EXOC4: variants seen among roughly 807,000 people sequenced by gnomAD.
EXOC4 encodes the protein exocyst complex component 4, also known as SEC8-like 1.
In EXOC4, 71 loss-of-function variants were observed where a neutral mutation model predicts 107.2. The observed-to-expected ratio is 0.66, with a 90% CI of 0.55 to 0.81. The LOEUF (loss-of-function observed/expected upper bound fraction) is 0.81, where lower values mean the gene tolerates loss of function less well. Ranked by LOEUF, EXOC4 falls within the 30% of genes least tolerant of loss-of-function variation. The pLI, the probability that EXOC4 is intolerant of heterozygous loss-of-function variation, is 0.00. For missense variants in EXOC4, 1,108 were observed against 1,189.6 expected (o/e 0.93, Z 1.01); for synonymous variants, 456 against 441.2 (o/e 1.03, Z -0.42).
intron 10 of EXOC4, among the ~76,000 whole-genome samples, chr7:133,683,431 A>G (rs1794229841): frequency 6.6e-6 from 1 of 152,132 alleles, no homozygotes; most frequent in South Asian, 2.1e-4. Context: ...TCTAACATAT[A>G]TATTAAACTG....
At chr7:134,084,623 GC>G in the EXOC4 span, among the ~76,000 whole-genome samples, 151,500 of 151,500 alleles carry the variant, frequency 1, 75,750 homozygotes, top group Non-Finnish European at 1. Context: ...ACCTTGCAAG[GC>G]CTGGCAGGTG....
At chr7:133,848,897 C>T (rs1432424241) in intron 11 of EXOC4, among the ~76,000 whole-genome samples, 1 of 152,118 alleles carries the variant, frequency 6.6e-6, no homozygotes, top group Non-Finnish European at 1.5e-5. Context: ...GTAGGTCGTT[C>T]AGTACATATT....
At chr7:133,486,917 G>A (rs1799279504) in intron 9 of EXOC4, among the ~76,000 whole-genome samples, 1 of 152,040 alleles carries the variant, frequency 6.6e-6, no homozygotes, top group Non-Finnish European at 1.5e-5. Context: ...TGAACAGATT[G>A]CATTATTTCA....
At chr7:134,001,472 CTT>C (rs61593512) in intron 15 of EXOC4, among the ~76,000 whole-genome samples, 106,209 of 150,858 alleles carry the variant, frequency 0.7, 37,629 homozygotes, top group East Asian at 0.91. Context: ...ATTTTAATTT[CTT>C]TTTTTTTTTT....
intron 14 of EXOC4, among the ~76,000 whole-genome samples, chr7:133,992,040 T>TAGAAA (rs1488208408): frequency 1.3e-5 from 2 of 152,210 alleles, no homozygotes; most frequent in Non-Finnish European, 2.9e-5. Context: ...TAGGTTGCTT[T>TAGAAA]TGGTACTATA....
intron 11 of EXOC4, among the ~76,000 whole-genome samples, chr7:133,866,135 A>T (rs1348538811): frequency 2.0e-5 from 3 of 152,220 alleles, no homozygotes; most frequent in Non-Finnish European, 2.9e-5. Context: ...ATTGAGTAAC[A>T]TGCTTTTCAT....
chr7:133,264,315 A>C (rs1212357327), intron 1 of EXOC4, among the ~76,000 whole-genome samples: 2 of 152,214 alleles, frequency 1.3e-5, no homozygotes, highest in Non-Finnish European at 2.9e-5. Flanking sequence ...GTCTGAAGCA[A>C]GACACCAATG....
At chr7:133,682,925 A>G (rs1394174749) in intron 10 of EXOC4, among the ~76,000 whole-genome samples, 1 of 152,126 alleles carries the variant, frequency 6.6e-6, no homozygotes, top group Non-Finnish European at 1.5e-5. Context: ...GGATGTATGG[A>G]TTTACCCTCT....
At chr7:133,756,620 G>C (rs1795923321) in intron 10 of EXOC4, among the ~76,000 whole-genome samples, 1 of 152,116 alleles carries the variant, frequency 6.6e-6, no homozygotes, top group South Asian at 2.1e-4. Flanking sequence ...CACATATAAT[G>C]TTTCATGCAA....
At chr7:133,766,483 T>C (rs182752788) in intron 10 of EXOC4, among the ~76,000 whole-genome samples, 2 of 152,112 alleles carry the variant, frequency 1.3e-5, no homozygotes, top group Admixed American at 1.3e-4. Context: ...AAAATCTTTA[T>C]CTACCTCAGT....
At chr7:133,282,714 A>G (rs1172644925) in intron 2 of EXOC4, among the ~76,000 whole-genome samples, 1 of 152,142 alleles carries the variant, frequency 6.6e-6, no homozygotes, top group Admixed American at 6.5e-5. Flanking sequence ...ATATGTATAC[A>G]CTGTGGAATG....
At chr7:133,995,430 A>T (rs1794366558) in intron 14 of EXOC4, among the ~76,000 whole-genome samples, 1 of 152,212 alleles carries the variant, frequency 6.6e-6, no homozygotes, top group South Asian at 2.1e-4. Flanking sequence ...AGAGGAACTG[A>T]AGGGCTGAAA....
chr7:133,554,668 G>A (rs1300680590), intron 9 of EXOC4, among the ~76,000 whole-genome samples: 2 of 152,094 alleles, frequency 1.3e-5, no homozygotes, highest in African/African-American at 4.8e-5. Context: ...GCATCTTGTA[G>A]CCTCCTGCAC....
rs150518468 is a variant in EXOC4, at chr7:133,778,903, C to A, written c.1515-38422C>A. On this transcript the variant is annotated intron_variant, in intron 10 of 17. Coordinates refer to ENST00000253861, the MANE Select transcript of EXOC4 (RefSeq NM_021807.4). ...TCAGAGATTTTTAAATAAATTGTTA[C>A]AGTGTTAATTAGGATTTCATGGTCA... Among the ~76,000 whole-genome samples, 27 of 152,232 alleles carry A rather than the reference C, an allele frequency of 1.8e-4. No individual in the cohort carries two copies. In the East Asian group the frequency reaches 4.8e-3, roughly 27 times the overall value.
intron 14 of EXOC4, among the ~76,000 whole-genome samples, chr7:133,989,056 A>G (rs902756327): frequency 3.3e-5 from 5 of 152,342 alleles, no homozygotes; most frequent in South Asian, 2.1e-4. Context: ...GCAGTAGTCC[A>G]TGGAAGAGAT....
chr7:133,626,860 C>T (rs1802469405), intron 9 of EXOC4, among the ~76,000 whole-genome samples: 1 of 152,148 alleles, frequency 6.6e-6, no homozygotes, highest in Middle Eastern at 3.2e-3. Flanking sequence ...AGCACACCTA[C>T]TCCCTATACA....
At position 133,890,610 on chromosome 7, in the gene EXOC4, A is replaced by T. The variant is rs1447227453; in HGVS notation, c.1735-4989A>T. Among the ~76,000 whole-genome samples the T allele has an allele frequency of 5.2e-3, 483 of 93,458 alleles. 8 individuals are homozygous for T. Among genetic ancestry groups the T allele is most frequent in the African/African-American group, 0.027 (444 of 16,506 alleles). The allele number at this position is 93,458 out of a possible 152,430, so 61.3% of individuals were successfully genotyped here. A position where few individuals can be genotyped will look rare whatever the true frequency, so the allele number is the denominator to read the frequency against. On this transcript the variant is annotated intron_variant, in intron 11 of 17. Coordinates refer to ENST00000253861, the MANE Select transcript of EXOC4 (RefSeq NM_021807.4). ...TGAATTGATTTTTGTATAAGGTGTA[A>T]GGAAGGGATCCAGTTTCAGCTTTCT...
intron 9 of EXOC4, among the ~76,000 whole-genome samples, chr7:133,499,264 C>T (rs942213305): frequency 2.0e-5 from 3 of 152,104 alleles, no homozygotes; most frequent in Non-Finnish European, 4.4e-5. Flanking sequence ...TCCTTGCAGT[C>T]AGGGACCAAG....
intron 9 of EXOC4, among the ~76,000 whole-genome samples, chr7:133,496,199 G>A (rs1174021609): frequency 6.6e-6 from 1 of 152,060 alleles, no homozygotes; most frequent in Admixed American, 6.6e-5. Flanking sequence ...CCCCAGGCTG[G>A]AGTGCAGTGC....
Sources: gnomAD v4.1 joint callset for allele counts (sites outside exome capture counted in the v4.1 genomes callset) on GRCh38, gnomAD v4.1.1 for gene constraint, MANE v1.5 for transcripts, NCBI Gene and HGNC (gene_info 2026-07-23, HGNC 2026-07-21) for gene names.